The following CELA3B variants were observed in gnomAD, a reference collection of about 807,000 sequenced individuals.
CELA3B encodes chymotrypsin like elastase 3B, also known as chymotrypsin-like elastase family member 3B.
CELA3B carries 34 observed loss-of-function variants against 37.2 expected under a neutral mutation model. The ratio of observed to expected loss-of-function variants is 0.91; its 90% CI spans 0.70 to 1.22. The LOEUF (loss-of-function observed/expected upper bound fraction) is 1.22. CELA3B is among the 50% of genes most tolerant of loss of function. The pLI is 0.00. For missense variants in CELA3B, 340 were observed against 363.1 expected (o/e 0.94, Z 0.52); for synonymous variants, 127 against 143.5 (o/e 0.89, Z 0.82).
At chr1:21,986,214 C>T (rs1422860413) in intron 6 of CELA3B, among the ~76,000 whole-genome samples, 5 of 150,996 alleles carry the variant, frequency 3.3e-5, no homozygotes, top group Non-Finnish European at 5.9e-5. Flanking sequence ...ATTAAATATA[C>T]AAAAATTAGC....
chr1:21,998,409 G>A (rs1644900254), exon 5 of CELA3B: 1 of 325,600 alleles, frequency 3.1e-6, no homozygotes, highest in African/African-American at 2.2e-5. Flanking sequence ...CCGTTCTAGT[G>A]GGTCCATTTA....
At chr1:21,983,886 G>C in intron 5 of CELA3B, 56 bp downstream of exon 5, 1 of 1,580,630 alleles carries the variant, frequency 6.3e-7, no homozygotes, top group Non-Finnish European at 8.6e-7. Flanking sequence ...GACAGGGCCT[G>C]GGGGCTGCAG....
At chr1:21,987,345 C>T (rs112041009) in intron 7 of CELA3B, 36 of 196,870 alleles carry the variant, frequency 1.8e-4, no homozygotes, top group South Asian at 1.7e-3. Context: ...CCCAGCTGCT[C>T]GGGAGGCTGA....
At chr1:21,983,978 A>C (rs1644822224) in intron 5 of CELA3B, 148 bp downstream of exon 5, 21 of 1,414,690 alleles carry the variant, frequency 1.5e-5, no homozygotes, top group Middle Eastern at 3.7e-4. Flanking sequence ...AACCTCCAAA[A>C]CACGAATGTG....
At chr1:21,984,841 G>A (rs980543744) in intron 6 of CELA3B, among the ~76,000 whole-genome samples, 2 of 151,358 alleles carry the variant, frequency 1.3e-5, no homozygotes, top group African/African-American at 2.4e-5. Flanking sequence ...CAGTTATTTG[G>A]GAGGCTGAGA....
chr1:21,992,115 C>T (rs1254992941), downstream of CELA3B, among the ~76,000 whole-genome samples: 5 of 148,456 alleles, frequency 3.4e-5, 1 homozygote, highest in African/African-American at 7.5e-5. Context: ...AGCAAAACTC[C>T]GTTTCAAAAA....
At chr1:21,994,649 A>C (rs1390724933) in intron 4 of CELA3B, among the ~76,000 whole-genome samples, 1 of 151,008 alleles carries the variant, frequency 6.6e-6, no homozygotes, top group Non-Finnish European at 1.5e-5. Context: ...GCTCGGGTGC[A>C]TCTCTCTTCA....
At chr1:21,981,845 C>A (rs569170810) in intron 4 of CELA3B, among the ~76,000 whole-genome samples, 1 of 152,014 alleles carries the variant, frequency 6.6e-6, no homozygotes, top group Non-Finnish European at 1.5e-5. Flanking sequence ...CCTGCCTCAG[C>A]GTCCCGAGTA....
chr1:21,988,163 G>C (rs575132164), intron 7 of CELA3B, among the ~76,000 whole-genome samples: 9 of 151,744 alleles, frequency 5.9e-5, no homozygotes, highest in African/African-American at 2.2e-4. Context: ...AGTGCGCCGA[G>C]ATTACGCCAC....
At chr1:21,977,129 G>C (rs1381848450) in intron 1 of CELA3B, 47 bp downstream of exon 1, 1 of 1,612,828 alleles carries the variant, frequency 6.2e-7, no homozygotes, top group East Asian at 2.2e-5. Flanking sequence ...CCCTAGATTA[G>C]GAATCCTTGA....
chr1:21,984,095 A>C, intron 5 of CELA3B, 94 bp from the exon 6 acceptor site: 1 of 1,461,446 alleles, frequency 6.8e-7, no homozygotes, highest in South Asian at 1.3e-5. Context: ...TCCTCATCAG[A>C]GCAGAAGAAC....
rs1301261588 is a variant in CELA3B, at chr1:21,983,770, G to A, written c.439G>A (p.Ala147Thr). The A allele has an allele frequency of 6.2e-6, 10 of 1,613,934 alleles. No individual in the cohort carries two copies. The highest frequency in any genetic ancestry group is 3.3e-5 in the Admixed American group (2 of 59,968). ...DAVQLASLPP[A>T]GDILPNETPC... ...CGTCCAGCTCGCCTCACTCCCTCCG[G>A]CTGGTGACATCCTTCCCAACGAGAC... is the stretch of plus-strand genomic sequence containing the variant. The change falls in exon 5 of 8, where the codon GCT becomes ACT. Residue 147 changes from alanine to threonine, a missense_variant. Ala to Thr is a moderately conservative substitution (Grantham distance 58). Coordinates refer to ENST00000337107, the MANE Select transcript of CELA3B (RefSeq NM_007352.4).
At chr1:21,990,104 C>T (rs4655007), downstream of CELA3B, among the ~76,000 whole-genome samples, 10,837 of 147,978 alleles carry the variant, frequency 0.073, 187 homozygotes, top group East Asian at 0.32. Context: ...TCAGATCTGG[C>T]GAGAACTCAC....
chr1:21,980,961 G>T (rs764433738), intron 3 of CELA3B, 40 bp downstream of exon 3: 1 of 1,614,122 alleles, frequency 6.2e-7, no homozygotes. Flanking sequence ...GCCCCGGGCA[G>T]CTGGGGAGGG....
intron 6 of CELA3B, among the ~76,000 whole-genome samples, chr1:21,985,687 C>T (rs998294085): frequency 9.9e-5 from 15 of 151,328 alleles, no homozygotes; most frequent in Admixed American, 1.3e-4. Context: ...GTCAGGAGAT[C>T]GAGACCATCC....
chr1:21,981,680 G>A (rs553437531), intron 4 of CELA3B, among the ~76,000 whole-genome samples: 3 of 151,944 alleles, frequency 2.0e-5, no homozygotes, highest in African/African-American at 7.2e-5. Context: ...CCGGGTGGTT[G>A]TGAAGGCCAA....
chr1:21,985,719 G>A (rs1166112164), intron 6 of CELA3B, among the ~76,000 whole-genome samples: 1 of 151,808 alleles, frequency 6.6e-6, no homozygotes, highest in Admixed American at 6.6e-5. Flanking sequence ...GTGAAACCTC[G>A]TCTCTACTAA....
intron 7 of CELA3B, among the ~76,000 whole-genome samples, chr1:21,988,610 A>G (rs1569850729): frequency 2.3e-5 from 2 of 87,558 alleles, no homozygotes; most frequent in African/African-American, 9.1e-5. Context: ...AAAAAAAAAA[A>G]GCCGGGCATG....
intron 6 of CELA3B, among the ~76,000 whole-genome samples, chr1:21,985,587 C>T (rs1452265522): frequency 2.7e-5 from 4 of 145,884 alleles, no homozygotes; most frequent in African/African-American, 9.9e-5. Flanking sequence ...TAGACCTTGT[C>T]TGTTAAAGAA....
Sources: allele counts gnomAD v4.1 joint callset (sites outside exome capture counted in the v4.1 genomes callset), GRCh38; gene constraint gnomAD v4.1.1; transcripts MANE v1.5; gene names NCBI Gene and HGNC (gene_info 2026-07-23, HGNC 2026-07-21).